NEK10: variants seen among roughly 807,000 people sequenced by gnomAD.
NEK10 encodes the protein NIMA related kinase 10.
NEK10 carries 122 observed loss-of-function variants against 159.8 expected under a neutral mutation model. The observed-to-expected ratio is 0.76, with a 90% CI of 0.66 to 0.89. The LOEUF (loss-of-function observed/expected upper bound fraction) is 0.89. NEK10 is among the 40% of genes least tolerant of loss of function. The pLI, the probability that NEK10 is intolerant of heterozygous loss-of-function variation, is 0.00. For synonymous variants in NEK10, 466 were observed against 457.1 expected (o/e 1.02, Z -0.25); for missense variants, 1,342 against 1,323.1 (o/e 1.01, Z -0.22).
At chr3:27,263,804 G>A (rs1055793126) in intron 22 of NEK10, among the ~76,000 whole-genome samples, 8 of 152,020 alleles carry the variant, frequency 5.3e-5, no homozygotes, top group Admixed American at 3.3e-4. Context: ...GCTCATGCTC[G>A]GTGCACTGCA....
intron 13 of NEK10, among the ~76,000 whole-genome samples, chr3:27,301,376 T>A (rs1053559447): frequency 6.6e-6 from 1 of 152,214 alleles, no homozygotes; most frequent in Non-Finnish European, 1.5e-5. Context: ...CTAGAAAGCA[T>A]GATTCTGGCC....
chr3:27,204,057 C>T (rs1188919595), intron 23 of NEK10, among the ~76,000 whole-genome samples: 2 of 152,130 alleles, frequency 1.3e-5, no homozygotes, highest in East Asian at 3.9e-4. Context: ...GTCTTTGGCT[C>T]CCCACAGACA....
chr3:27,141,365 A>G, intron 31 of NEK10, 117 bp downstream of exon 31: 2 of 685,006 alleles, frequency 2.9e-6, no homozygotes, highest in Non-Finnish European at 4.9e-6. Context: ...ACATGTATGT[A>G]GCTGGGGAGG....
At chr3:27,268,767 T>C (rs1212684304) in intron 22 of NEK10, among the ~76,000 whole-genome samples, 3 of 152,212 alleles carry the variant, frequency 2.0e-5, no homozygotes, top group Non-Finnish European at 4.4e-5. Context: ...CAAGGAGTCA[T>C]TTCTACTTTT....
At chr3:27,147,248 A>T (rs1353977855) in intron 30 of NEK10, among the ~76,000 whole-genome samples, 2 of 152,210 alleles carry the variant, frequency 1.3e-5, no homozygotes, top group Non-Finnish European at 2.9e-5. Flanking sequence ...GGAGCCAAGG[A>T]CTGCTGAAGC....
At chr3:27,264,369 AAC>A (rs2040696568) in intron 22 of NEK10, among the ~76,000 whole-genome samples, 1 of 152,216 alleles carries the variant, frequency 6.6e-6, no homozygotes, top group African/African-American at 2.4e-5. Context: ...GAGCCTCATG[AAC>A]ACAGACACAA....
At chr3:27,266,388 T>G (rs1436824619) in intron 22 of NEK10, among the ~76,000 whole-genome samples, 1 of 151,474 alleles carries the variant, frequency 6.6e-6, no homozygotes, top group African/African-American at 2.4e-5. Flanking sequence ...AGGTTCTGAT[T>G]TTTTTATGGG....
intron 1 of NEK10, among the ~76,000 whole-genome samples, chr3:27,365,294 G>A (rs927456747): frequency 6.6e-6 from 1 of 152,118 alleles, no homozygotes; most frequent in African/African-American, 2.4e-5. Flanking sequence ...AATTTTTACA[G>A]GAGGGCTTAG....
intron 13 of NEK10, among the ~76,000 whole-genome samples, chr3:27,299,553 A>C (rs2043633596): frequency 1.3e-5 from 2 of 152,172 alleles, no homozygotes; most frequent in African/African-American, 4.8e-5. Context: ...AGCTGTAAGA[A>C]GCAGGCCACT....
chr3:27,277,380 A>G (rs927194205), intron 22 of NEK10, among the ~76,000 whole-genome samples: 2 of 152,140 alleles, frequency 1.3e-5, no homozygotes, highest in Non-Finnish European at 2.9e-5. Context: ...TAACTGATAC[A>G]TGTCCTAAAC....
intron 16 of NEK10, among the ~76,000 whole-genome samples, chr3:27,292,747 GC>G (rs2043087117): frequency 1.4e-5 from 2 of 138,572 alleles, no homozygotes; most frequent in African/African-American, 5.8e-5. Flanking sequence ...GGCAGGAGAA[GC>G]AACAGGATGA....
chr3:27,144,000 C>A (rs560136412), intron 30 of NEK10, among the ~76,000 whole-genome samples: 3 of 152,270 alleles, frequency 2.0e-5, no homozygotes, highest in South Asian at 4.1e-4. Flanking sequence ...ACATAAAATG[C>A]GTTTTCTATT....
intron 1 of NEK10, among the ~76,000 whole-genome samples, chr3:27,355,309 C>G (rs538519249): frequency 6.6e-6 from 1 of 152,182 alleles, no homozygotes; most frequent in African/African-American, 2.4e-5. Flanking sequence ...ATACCATCAG[C>G]AATTATAAAT....
intron 23 of NEK10, chr3:27,215,689 G>A (rs1951443404): frequency 1.5e-6 from 1 of 657,284 alleles, no homozygotes; most frequent in Non-Finnish European, 2.8e-6. Context: ...AGAAATACCT[G>A]AGACTAGGTA....
chr3:27,360,388 G>A (rs2048603542), intron 1 of NEK10, among the ~76,000 whole-genome samples: 1 of 152,228 alleles, frequency 6.6e-6, no homozygotes, highest in East Asian at 1.9e-4. Context: ...AGCAAAACAA[G>A]AAAAGACACT....
chr3:27,164,334 C>A (rs533440420), intron 29 of NEK10, among the ~76,000 whole-genome samples: 3 of 152,282 alleles, frequency 2.0e-5, no homozygotes, highest in Admixed American at 6.5e-5. Flanking sequence ...AAATGCCATA[C>A]CCCAGCAAAT....
rs186796867 is a variant in NEK10 at position 27,224,659 on chromosome 3, G to A, written c.2091-22102C>T. On this transcript the variant is annotated intron_variant, in intron 23 of 35. Coordinates refer to ENST00000691995, the MANE Select transcript of NEK10 (RefSeq NM_001394966.1). ...TTTGCTGTCCTTCCTTCCCTTCTTT[G>A]TTTCTTGTTTTTTTCCTTACTCTCA... 5.9e-5 allele frequency among the ~76,000 whole-genome samples: 9 copies of A among 152,128 alleles called. No homozygotes were observed. The East Asian group carries it at 1.7e-3, about 29-fold the overall frequency.
intron 32 of NEK10, among the ~76,000 whole-genome samples, chr3:27,125,838 CT>C (rs1447903886): frequency 6.6e-5 from 10 of 152,100 alleles, no homozygotes; most frequent in African/African-American, 2.4e-4. Context: ...CAGAAAATCC[CT>C]AAACTAAAAG....
At chr3:27,340,529 T>C (rs2047128853) in intron 5 of NEK10, among the ~76,000 whole-genome samples, 1 of 151,662 alleles carries the variant, frequency 6.6e-6, no homozygotes, top group South Asian at 2.1e-4. Context: ...TAAAATAAAA[T>C]AAAATAAGTG....
Sources: gnomAD v4.1 joint callset for allele counts (sites outside exome capture counted in the v4.1 genomes callset) on GRCh38, gnomAD v4.1.1 for gene constraint, MANE v1.5 for transcripts, NCBI Gene and HGNC (gene_info 2026-07-23, HGNC 2026-07-21) for gene names.